Variants in YWHAE observed in about 807,000 individuals in gnomAD.
The protein encoded by YWHAE is tyrosine 3-monooxygenase/tryptophan 5-monooxygenase activation protein epsilon.
YWHAE carries 4 observed loss-of-function variants against 30.1 expected under a neutral mutation model. That is an observed-to-expected ratio of 0.13 (90% CI 0.07 to 0.30). The LOEUF (loss-of-function observed/expected upper bound fraction) is 0.30. YWHAE is among the 10% of genes least tolerant of loss of function. The probability of loss-of-function intolerance (pLI) is 1.00; values close to 1 mark genes in which losing one functional copy is unlikely to be tolerated. For synonymous variants in YWHAE, 118 were observed against 111.8 expected (o/e 1.06, Z -0.35); for missense variants, 121 against 315.9 (o/e 0.38, Z 4.68).
At chr17:1,360,968 A>G in intron 4 of YWHAE, 124 bp downstream of exon 4, 1 of 838,290 alleles carries the variant, frequency 1.2e-6, no homozygotes. Flanking sequence ...AGTTTCAGTA[A>G]GAGCCAAAAG....
At chr17:1,393,457 C>T (rs998387132) in intron 1 of YWHAE, among the ~76,000 whole-genome samples, 1 of 152,114 alleles carries the variant, frequency 6.6e-6, no homozygotes, top group Admixed American at 6.6e-5. Context: ...TTGAGACAGG[C>T]TCTCCCTCTG....
At chr17:1,388,117 G>GTTTTTTTTTTTTTTTTTTT (rs1491196737) in intron 1 of YWHAE, among the ~76,000 whole-genome samples, 1 of 65,110 alleles carries the variant, frequency 1.5e-5, no homozygotes, top group Non-Finnish European at 2.3e-5. Context: ...TTTTTTGGTT[G>GTTTTTTTTTTTTTTTTTTT]GTTTTTTTTT....
At chr17:1,368,699 A>T (rs2072984266) in intron 1 of YWHAE, among the ~76,000 whole-genome samples, 1 of 152,204 alleles carries the variant, frequency 6.6e-6, no homozygotes, top group Admixed American at 6.5e-5. Context: ...CTAAATTTAG[A>T]AGCAGTGGAA....
chr17:1,400,103 T>C lies in YWHAE; in HGVS notation c.8A>G (p.Asp3Gly). Residue 3 changes from aspartate (D) to glycine (G), a missense_variant, in exon 1 of 6, where the codon GAT (aspartate) becomes GGT (glycine). Physicochemically the swap from Asp to Gly is moderately conservative, Grantham distance 94. Coordinates refer to ENST00000264335, the MANE Select transcript of YWHAE (RefSeq NM_006761.5). MD[D>G]REDLVYQAKL... ...CGCCTGGTACACCAGATCCTCTCGA[T>C]CATCCATAGCGGCAGCGGCTCCGGC... 1 of 1,613,988 alleles carries C rather than the reference T, an allele frequency of 6.2e-7. No homozygotes were observed. Among genetic ancestry groups the C allele is most frequent in the African/African-American group, 1.3e-5 (1 of 75,020 alleles).
intron 1 of YWHAE, among the ~76,000 whole-genome samples, chr17:1,388,888 G>A (rs1012972020): frequency 2.0e-5 from 3 of 152,026 alleles, no homozygotes; most frequent in East Asian, 3.8e-4. Context: ...AAAATTTCAC[G>A]GTAATCCTAT....
chr17:1,358,441 A>T (rs999896814), intron 4 of YWHAE, among the ~76,000 whole-genome samples: 1 of 151,686 alleles, frequency 6.6e-6, no homozygotes, highest in Non-Finnish European at 1.5e-5. Context: ...GGGTTTCACC[A>T]CGTTAGCCAC....
intron 4 of YWHAE, among the ~76,000 whole-genome samples, chr17:1,354,964 GTTTTTT>G (rs56351171): frequency 0.069 from 5,084 of 73,646 alleles, 136 homozygotes; most frequent in East Asian, 0.17. Context: ...GCCCAGCCTA[GTTTTTT>G]TTTTTTTTTT....
At chr17:1,395,012 A>G (rs1258626629) in intron 1 of YWHAE, among the ~76,000 whole-genome samples, 1 of 152,046 alleles carries the variant, frequency 6.6e-6, no homozygotes, top group African/African-American at 2.4e-5. Context: ...CATGCTTGTC[A>G]TTACTGTTTG....
At chr17:1,368,264 G>C (rs899770344) in intron 1 of YWHAE, among the ~76,000 whole-genome samples, 3 of 152,072 alleles carry the variant, frequency 2.0e-5, no homozygotes, top group Non-Finnish European at 2.9e-5. Flanking sequence ...TGTAATCCCA[G>C]CTACTCGAGG....
intron 1 of YWHAE, among the ~76,000 whole-genome samples, chr17:1,381,935 AC>A (rs1567978234): frequency 7.4e-4 from 108 of 145,644 alleles, no homozygotes; most frequent in African/African-American, 2.6e-3. Context: ...AAAAAAAAAG[AC>A]AGGCAGACAG....
chr17:1,362,113 G>C, intron 2 of YWHAE, 105 bp from the exon 3 acceptor site: 2 of 618,846 alleles, frequency 3.2e-6, no homozygotes, highest in South Asian at 6.6e-5. Context: ...GTATTAAAAA[G>C]AATTTGTATC....
chr17:1,358,732 A>G (rs1197981922), intron 4 of YWHAE, among the ~76,000 whole-genome samples: 2 of 151,674 alleles, frequency 1.3e-5, no homozygotes, highest in Non-Finnish European at 2.9e-5. Context: ...TGAGAGGCTG[A>G]AGCACCAGAA....
chr17:1,355,299 G>A (rs1246476798), intron 4 of YWHAE, among the ~76,000 whole-genome samples: 2 of 150,382 alleles, frequency 1.3e-5, no homozygotes, highest in African/African-American at 2.4e-5. Context: ...CGGGACTACA[G>A]GCGCCCGCCA....
rs374149669 is a variant in YWHAE at position 1,359,899 on chromosome 17, G to A, written c.578+1193C>T. The stretch of plus-strand genomic sequence containing the variant: ...CCCAGGCGAGAGGGAGAGGGAGACG[G>A]GGAGAGAGAGGGAGACGGGGAGGGG... On this transcript the variant is annotated intron_variant, in intron 4 of 5. Transcript: ENST00000264335. Among the ~76,000 whole-genome samples, 121 of 125,184 alleles carry A rather than the reference G, an allele frequency of 9.7e-4. 1 individual carries two copies. The highest frequency in any genetic ancestry group is 8.5e-3 in the Middle Eastern group (2 of 236). The allele number at this position is 125,184 out of a possible 152,430, so 82.1% of individuals were successfully genotyped here. A position where few individuals can be genotyped will look rare whatever the true frequency, so the allele number is the denominator to read the frequency against.
chr17:1,395,380 T>C (rs761784539), intron 1 of YWHAE, among the ~76,000 whole-genome samples: 15 of 151,242 alleles, frequency 9.9e-5, no homozygotes, highest in Admixed American at 3.9e-4. Context: ...ATACAAAAAA[T>C]TAGCCGAGTG....
intron 5 of YWHAE, among the ~76,000 whole-genome samples, chr17:1,353,446 A>AAAAAGAAAAG (rs200337928): frequency 1.4e-5 from 2 of 140,762 alleles, no homozygotes; most frequent in Admixed American, 7.3e-5. Flanking sequence ...TCAAAAAAAA[A>AAAAAGAAAAG]AAAAGAAAAG....
At position 1,344,294 on chromosome 17, in the gene YWHAE, T is replaced by C. The variant is rs971996333; in HGVS notation, c.*1153A>G. On this transcript the variant is annotated 3_prime_UTR_variant, in exon 6 of 6. Coordinates refer to ENST00000264335, the MANE Select transcript of YWHAE (RefSeq NM_006761.5). ...ACCTTGTACTACTCATGTTGTACTT[T>C]AATGATTAAAATAAATACCATGTTG... 2 of 157,092 alleles carry C rather than the reference T, an allele frequency of 1.3e-5. No individual in the cohort carries two copies. Among genetic ancestry groups the C allele is most frequent in the African/African-American group, 4.8e-5 (2 of 41,594 alleles). The allele number at this position is 157,092 out of a possible 1,614,324, so 9.7% of individuals were successfully genotyped here. A position where few individuals can be genotyped will look rare whatever the true frequency, so the allele number is the denominator to read the frequency against.
intron 1 of YWHAE, among the ~76,000 whole-genome samples, chr17:1,398,343 C>CCCA (rs1555648141): frequency 6.7e-6 from 1 of 149,628 alleles, no homozygotes; most frequent in Non-Finnish European, 1.5e-5. Context: ...ATCCCCCCCC[C>CCCA]CAACAGGAAC....
At chr17:1,362,049 G>C (rs1318658317) in intron 2 of YWHAE, 41 bp from the exon 3 acceptor site, 2 of 1,237,288 alleles carry the variant, frequency 1.6e-6, no homozygotes, top group Non-Finnish European at 2.2e-6. Flanking sequence ...ATTAAGTCTA[G>C]AAATTCTACA....
Sources: gnomAD v4.1 joint callset for allele counts (sites outside exome capture counted in the v4.1 genomes callset) on GRCh38, gnomAD v4.1.1 for gene constraint, MANE v1.5 for transcripts, NCBI Gene and HGNC (gene_info 2026-07-23, HGNC 2026-07-21) for gene names.